GPBP1L1: variants seen among roughly 807,000 people sequenced by gnomAD.
GPBP1L1 encodes the protein vasculin-like protein 1.
GPBP1L1 carries 23 observed loss-of-function variants against 52.5 expected under a neutral mutation model. That is an observed-to-expected ratio of 0.44 (90% confidence interval 0.32 to 0.62). The LOEUF (loss-of-function observed/expected upper bound fraction) is 0.62. Among genes scored for constraint, GPBP1L1 ranks in the 20% least tolerant of loss-of-function variants. GPBP1L1 has a pLI of 0.06. For missense variants in GPBP1L1, 596 were observed against 579.3 expected (o/e 1.03, Z -0.30); for synonymous variants, 243 against 203.1 (o/e 1.20, Z -1.67).
chr1:45,682,169 T>G (rs1645219201), intron 2 of GPBP1L1, among the ~76,000 whole-genome samples: 1 of 152,212 alleles, frequency 6.6e-6, no homozygotes, highest in Non-Finnish European at 1.5e-5. Flanking sequence ...GGAAAAGCTC[T>G]ACTTTCAAAT....
chr1:45,659,484 C>T lies in GPBP1L1; in HGVS notation c.-55-342G>A, dbSNP rs118156382. ...AAGTGTTGGGATTACAGGTGTGAGT[C>T]ACTGCGCCCAGTGAATCTGGAAGGT... On this transcript the variant is annotated intron_variant, in intron 3 of 12. Transcript: ENST00000355105. 6.2e-4 allele frequency among the ~76,000 whole-genome samples: 95 copies of T among 152,242 alleles called. 1 individual carries two copies. In the East Asian group the frequency reaches 0.018, roughly 28 times the overall value.
At chr1:45,666,123 T>C (rs1036557289) in intron 2 of GPBP1L1, among the ~76,000 whole-genome samples, 1 of 147,052 alleles carries the variant, frequency 6.8e-6, no homozygotes, top group African/African-American at 2.5e-5. Context: ...GAAAATGAAA[T>C]CTTCAAACAC....
chr1:45,676,735 T>G (rs1446666543), intron 2 of GPBP1L1, among the ~76,000 whole-genome samples: 5 of 144,406 alleles, frequency 3.5e-5, no homozygotes, highest in African/African-American at 5.2e-5. Context: ...AAAAAAAAAT[T>G]AGGCATGGTG....
At chr1:45,673,986 G>A (rs1258514101) in intron 2 of GPBP1L1, among the ~76,000 whole-genome samples, 3 of 152,170 alleles carry the variant, frequency 2.0e-5, no homozygotes, top group Non-Finnish European at 4.4e-5. Flanking sequence ...GCTAAATCAC[G>A]AGAATCTCTT....
chr1:45,666,238 G>A (rs1329781639), intron 2 of GPBP1L1, among the ~76,000 whole-genome samples: 3 of 150,894 alleles, frequency 2.0e-5, no homozygotes, highest in African/African-American at 7.3e-5. Context: ...CATCCCCCAG[G>A]AGAATCAAGC....
intron 2 of GPBP1L1, among the ~76,000 whole-genome samples, chr1:45,670,571 C>T (rs1010369364): frequency 3.9e-5 from 6 of 151,968 alleles, no homozygotes; most frequent in African/African-American, 1.2e-4. Flanking sequence ...TTGTCTTTCA[C>T]ATTTACAATC....
intron 6 of GPBP1L1, chr1:45,646,031 G>A: frequency 2.0e-6 from 1 of 504,564 alleles, no homozygotes; most frequent in South Asian, 1.4e-5. Flanking sequence ...TCCCAGCTCT[G>A]TTATCATCAA....
Position 45,627,565 on chromosome 1 carries a change from CAT to C in GPBP1L1, c.*689_*690del, listed in dbSNP as rs1029961094. On this transcript the variant is annotated 3_prime_UTR_variant, in exon 13 of 13. Coordinates refer to ENST00000355105, the MANE Select transcript of GPBP1L1 (RefSeq NM_021639.5). ...TCCCCCTCGAGACTTGTGATAACCA[CAT>C]CTTTTAAATCTGTAAATAATGTTAT... 1.0e-4 allele frequency: 16 copies of C among 152,532 alleles called. No homozygotes were observed. The highest frequency in any genetic ancestry group is 3.6e-4 in the African/African-American group (15 of 41,430). 9.4% of individuals were successfully genotyped at this position (152,532 alleles called of 1,614,324 possible).
rs1644937228 is a variant in GPBP1L1 at position 45,660,627 on chromosome 1, T to C, written c.-499A>G. 1 of 877,652 alleles carries C rather than the reference T, an allele frequency of 1.1e-6. No individual in the cohort carries two copies. Among genetic ancestry groups the C allele is most frequent in the Non-Finnish European group, 1.4e-6 (1 of 731,690 alleles). 54.4% of individuals were successfully genotyped at this position (877,652 alleles called of 1,614,324 possible). On this transcript the variant is annotated 5_prime_UTR_variant, in exon 3 of 13. Coordinates refer to ENST00000355105, the MANE Select transcript of GPBP1L1 (RefSeq NM_021639.5). ...ACAGATGGGCTCAAGTGTGGACAAA[T>C]AATGTCATCAAGGTAATAGATCAAA...
At chr1:45,629,543 A>G in intron 12 of GPBP1L1, 33 bp downstream of exon 12, 1 of 1,260,212 alleles carries the variant, frequency 7.9e-7, no homozygotes, top group Non-Finnish European at 1.1e-6. Flanking sequence ...CCTGGTTACT[A>G]ACTGGTCTCT....
chr1:45,676,281 T>TC (rs1277745276), intron 2 of GPBP1L1, among the ~76,000 whole-genome samples: 5 of 152,118 alleles, frequency 3.3e-5, no homozygotes, highest in Admixed American at 2.0e-4. Flanking sequence ...AGATTTTTTT[T>TC]CCCATACAGC....
At chr1:45,684,175 T>C (rs1181160234) in intron 2 of GPBP1L1, among the ~76,000 whole-genome samples, 1 of 143,896 alleles carries the variant, frequency 6.9e-6, no homozygotes, top group African/African-American at 2.6e-5. Flanking sequence ...GGTGAATCGC[T>C]TGAACCCAGG....
chr1:45,647,312 T>C (rs1289025666), intron 6 of GPBP1L1, among the ~76,000 whole-genome samples: 2 of 152,110 alleles, frequency 1.3e-5, no homozygotes, highest in Non-Finnish European at 2.9e-5. Context: ...ACCGCTTTTA[T>C]CTGAACCTTT....
chr1:45,644,687 T>C (rs1569793404), intron 6 of GPBP1L1, among the ~76,000 whole-genome samples: 3 of 152,222 alleles, frequency 2.0e-5, no homozygotes, highest in African/African-American at 4.8e-5. Context: ...TAGTTGGTTC[T>C]AGAGGTTACA....
At chr1:45,681,085 T>C (rs1454040881) in intron 2 of GPBP1L1, among the ~76,000 whole-genome samples, 1 of 151,500 alleles carries the variant, frequency 6.6e-6, no homozygotes, top group Non-Finnish European at 1.5e-5. Context: ...CTGGAACAGT[T>C]AATACTGAAT....
intron 2 of GPBP1L1, among the ~76,000 whole-genome samples, chr1:45,661,486 G>A (rs972632471): frequency 3.4e-5 from 5 of 148,194 alleles, no homozygotes; most frequent in African/African-American, 7.5e-5. Flanking sequence ...ATGGAGTTTC[G>A]CTCTTGTTGC....
Position 45,654,791 on chromosome 1 carries a change from C to T in GPBP1L1, c.229G>A (p.Val77Met). Residue 77 changes from valine (V) to methionine (M), a missense_variant, in exon 6 of 13, where the codon GTG (valine) becomes ATG (methionine). Transcript: ENST00000355105. ...HQPSLFRHDS[V>M]DSGVSKGAYA... Reference sequence around the variant, plus strand: ...GCTCCCTTAGAGACACCAGAGTCCACAGAATCATGGCGGAACAGGGAGGGC... The same window carrying T: ...GCTCCCTTAGAGACACCAGAGTCCATAGAATCATGGCGGAACAGGGAGGGC... 1 of 1,614,116 alleles carries T rather than the reference C, an allele frequency of 6.2e-7. No homozygotes were observed. The highest frequency in any genetic ancestry group is 8.5e-7 in the Non-Finnish European group (1 of 1,180,012).
intron 2 of GPBP1L1, among the ~76,000 whole-genome samples, chr1:45,679,725 T>C (rs995439769): frequency 6.6e-6 from 1 of 152,078 alleles, no homozygotes; most frequent in Non-Finnish European, 1.5e-5. Context: ...TACTGTGCCT[T>C]CTTCTACTTC....
rs1644870637 is a variant in GPBP1L1 at position 45,655,230 on chromosome 1, A to G, written c.150T>C (p.Ser50=). 1 of 1,614,032 alleles carries G rather than the reference A, an allele frequency of 6.2e-7. No individual in the cohort carries two copies. Among genetic ancestry groups the G allele is most frequent in the African/African-American group, 1.3e-5 (1 of 74,912 alleles). The change falls in exon 5 of 13, where the codon TCT becomes TCC. Residue 50 remains serine, a synonymous_variant. Coordinates refer to ENST00000355105, the MANE Select transcript of GPBP1L1 (RefSeq NM_021639.5). The part of the protein sequence containing the change: ...FGVSRRRHNS[S]DGFFNNGPLR... ...GGGGACCATTGTTAAAAAAACCATC[A>G]GAGGAATTATGTCGACGGCGGCTTA...
Sources: gnomAD v4.1 joint callset for allele counts (sites outside exome capture counted in the v4.1 genomes callset) on GRCh38, gnomAD v4.1.1 for gene constraint, MANE v1.5 for transcripts, NCBI Gene and HGNC (gene_info 2026-07-23, HGNC 2026-07-21) for gene names.